SSH1: variants seen among roughly 807,000 people sequenced by gnomAD.
SSH1 encodes protein phosphatase Slingshot homolog 1.
A neutral mutation model predicts 79.7 loss-of-function variants in SSH1; 43 were observed. The ratio of observed to expected loss-of-function variants is 0.54; its 90% CI spans 0.42 to 0.70. The LOEUF (loss-of-function observed/expected upper bound fraction) is 0.70. SSH1 is among the 30% of genes least tolerant of loss of function. The probability of loss-of-function intolerance (pLI) is 0.00; values close to 1 mark genes in which losing one functional copy is unlikely to be tolerated. For synonymous variants in SSH1, 599 were observed against 538.3 expected, an observed-to-expected ratio of 1.11 and a Z score of -1.56; for missense variants, 1,206 against 1,358.8, an observed-to-expected ratio of 0.89 and a Z score of 1.77.
rs1465800906 is a variant in SSH1, at chr12:108,792,772, A to G, written c.1407T>C (p.Pro469=). 4 of 1,613,882 alleles carry G rather than the reference A, an allele frequency of 2.5e-6. No homozygotes were observed. Among genetic ancestry groups the G allele is most frequent in the Non-Finnish European group, 2.5e-6 (3 of 1,180,026 alleles). ...CGCCAGGTCCTGCAGGGTCATCCAC[A>G]GGCTGCTGGAGGCTGCTGTCTGTCT... is the stretch of plus-strand genomic sequence containing the variant. ...RQQTDSSLQQ[P]VDDPAGPGDF... Residue 469 remains proline, a synonymous_variant, in exon 14 of 15, where the codon CCT becomes CCC. Coordinates refer to ENST00000326495, the MANE Select transcript of SSH1 (RefSeq NM_018984.4).
chr12:108,834,975 A>C (rs1381259478), intron 2 of SSH1, among the ~76,000 whole-genome samples: 2 of 152,204 alleles, frequency 1.3e-5, no homozygotes, highest in Non-Finnish European at 2.9e-5. Flanking sequence ...TGAACCTGGC[A>C]AATAAGACTC....
In SSH1 at chr12:108,792,457, A is replaced by T; in HGVS notation, c.1722T>A (p.Phe574Leu). The stretch of plus-strand genomic sequence containing the variant: ...AGCCGCTCCGACCTTTGGGACTCCC[A>T]AACTCTAGTTTCTTCTTCACATCCT... ...CEKDVKKKLEFGSPKGRSGSL... is the reference protein window; with the variant it reads ...CEKDVKKKLELGSPKGRSGSL... Residue 574 changes from phenylalanine to leucine, a missense_variant, in exon 14 of 15, where the codon TTT (phenylalanine) becomes TTA (leucine). Physicochemically the swap from Phe to Leu is conservative, Grantham distance 22. Transcript: ENST00000326495. 6.2e-7 allele frequency: 1 copy of T among 1,614,170 alleles called. No homozygotes were observed. Among genetic ancestry groups the T allele is most frequent in the South Asian group, 1.1e-5 (1 of 91,076 alleles).
intron 14 of SSH1, among the ~76,000 whole-genome samples, chr12:108,791,727 C>T (rs1049527980): frequency 1.3e-5 from 2 of 152,142 alleles, no homozygotes; most frequent in Non-Finnish European, 2.9e-5. Context: ...CCACTGTACT[C>T]CAGCATGGGA....
chr12:108,837,002 G>A (rs1182158442), intron 2 of SSH1: 1 of 490,896 alleles, frequency 2.0e-6, no homozygotes, highest in African/African-American at 2.0e-5. Context: ...AGGCTGAGGT[G>A]GGCGGATCAC....
In SSH1 at chr12:108,788,293, C is replaced by T. The variant is rs570218503; in HGVS notation, c.2845G>A (p.Gly949Arg). 7.4e-6 allele frequency: 12 copies of T among 1,613,552 alleles called. No individual in the cohort carries two copies. The East Asian group carries it at 8.9e-5, about 12-fold the overall frequency. The change falls in exon 15 of 15, where the codon GGG becomes AGG. Residue 949 changes from glycine to arginine, a missense_variant. This residue lies in a region of SSH1 where 709 missense variants were observed against 730.6 expected (regional missense o/e 0.97). Coordinates refer to ENST00000326495, the MANE Select transcript of SSH1 (RefSeq NM_018984.4). ...DSIHSVRGKPGLVKQRTQEIE... is the reference protein window; with the variant it reads ...DSIHSVRGKPRLVKQRTQEIE... Reference sequence around the variant, plus strand: ...TCCTGTGTCCGCTGCTTCACCAGCCCGGGCTTCCCACGGACACTGTGGATG... The same window carrying T: ...TCCTGTGTCCGCTGCTTCACCAGCCTGGGCTTCCCACGGACACTGTGGATG...
chr12:108,844,926 C>T (rs1009556534), intron 2 of SSH1, among the ~76,000 whole-genome samples: 7 of 151,932 alleles, frequency 4.6e-5, no homozygotes, highest in Admixed American at 1.3e-4. Context: ...CTGACCAATA[C>T]GGTGAAACCC....
At chr12:108,816,561 C>T (rs1051633775) in intron 5 of SSH1, among the ~76,000 whole-genome samples, 4 of 152,178 alleles carry the variant, frequency 2.6e-5, no homozygotes, top group South Asian at 2.1e-4. Flanking sequence ...CTAGGACCTG[C>T]CATGAAGTAC....
chr12:108,822,614 G>C (rs577502332), intron 3 of SSH1, among the ~76,000 whole-genome samples: 2 of 152,262 alleles, frequency 1.3e-5, no homozygotes, highest in South Asian at 4.1e-4. Context: ...GCAGGGCCAC[G>C]CAAGCATTTC....
At chr12:108,799,772 G>GAA (rs2036909145) in intron 12 of SSH1, among the ~76,000 whole-genome samples, 1 of 152,246 alleles carries the variant, frequency 6.6e-6, no homozygotes, top group Non-Finnish European at 1.5e-5. Context: ...GGAAGATGGG[G>GAA]CTGGCCGTTT....
rs1357449531 is a variant in SSH1 at position 108,857,229 on chromosome 12, C to T, written c.69+199G>A. On this transcript the variant is annotated intron_variant, in intron 1 of 14. Transcript: ENST00000326495. The surrounding 1 kb of genome is among the most constrained non-coding windows in gnomAD (Gnocchi z 4.7). The stretch of plus-strand genomic sequence containing the variant: ...GGTCACACCGCACACAAAGTCCCCG[C>T]ACAGCTCCCCAAGACAGGGTCACAT... Among the ~76,000 whole-genome samples, 1 of 152,116 alleles carries T rather than the reference C, an allele frequency of 6.6e-6. No individual in the cohort carries two copies. The highest frequency in any genetic ancestry group is 2.4e-5 in the African/African-American group (1 of 41,454).
At chr12:108,811,186 G>A (rs1283702449) in intron 6 of SSH1, 74 bp downstream of exon 6, 6 of 1,349,138 alleles carry the variant, frequency 4.4e-6, no homozygotes. Flanking sequence ...GATCATCCAA[G>A]GATGCCTGAA....
intron 10 of SSH1, among the ~76,000 whole-genome samples, chr12:108,803,429 T>C (rs936204987): frequency 2.0e-4 from 30 of 151,682 alleles, no homozygotes; most frequent in Non-Finnish European, 1.5e-5. Flanking sequence ...CATAGTATCA[T>C]AAAGAGCAAA....
intron 13 of SSH1, 112 bp downstream of exon 13, chr12:108,798,887 CG>C: frequency 7.9e-7 from 1 of 1,261,696 alleles, no homozygotes; most frequent in East Asian, 2.3e-5. Context: ...GCTGTGGAAG[CG>C]GCTGCTGGGC....
chr12:108,788,290 G>A lies in SSH1; in HGVS notation c.2848C>T (p.Leu950=). The change falls in exon 15 of 15, where the codon CTG becomes TTG. Residue 950 remains leucine, a synonymous_variant. Coordinates refer to ENST00000326495, the MANE Select transcript of SSH1 (RefSeq NM_018984.4). Reference sequence around the variant, plus strand: ...ATCTCCTGTGTCCGCTGCTTCACCAGCCCGGGCTTCCCACGGACACTGTGG... The same window carrying A: ...ATCTCCTGTGTCCGCTGCTTCACCAACCCGGGCTTCCCACGGACACTGTGG... The part of the protein sequence containing the change: ...SIHSVRGKPG[L]VKQRTQEIET... The A allele has an allele frequency of 3.1e-6, 5 of 1,613,634 alleles. No individual in the cohort carries two copies. Among genetic ancestry groups the A allele is most frequent in the Non-Finnish European group, 4.2e-6 (5 of 1,179,978 alleles).
At chr12:108,811,101 C>T (rs558788715) in intron 6 of SSH1, among the ~76,000 whole-genome samples, 159 bp downstream of exon 6, 18 of 152,296 alleles carry the variant, frequency 1.2e-4, no homozygotes, top group African/African-American at 4.1e-4. Flanking sequence ...TACCCTCCCT[C>T]GTGCCCTCTC....
At chr12:108,838,431 C>A (rs1480167646) in intron 2 of SSH1, among the ~76,000 whole-genome samples, 1 of 152,212 alleles carries the variant, frequency 6.6e-6, no homozygotes, top group African/African-American at 2.4e-5. Flanking sequence ...GGCTCTGGAC[C>A]ACGTAAGATC....
In SSH1 at chr12:108,787,376, C is replaced by T. The variant is rs987978936; in HGVS notation, c.*612G>A. On this transcript the variant is annotated 3_prime_UTR_variant, in exon 15 of 15. Transcript: ENST00000326495. ...CAGCGTGGGACTACTCATCTGATGA[C>T]TTTACTCAGCAGTGCTTGGGGCTGT... 2 of 155,652 alleles carry T rather than the reference C, an allele frequency of 1.3e-5. No homozygotes were observed. Among genetic ancestry groups the T allele is most frequent in the African/African-American group, 4.8e-5 (2 of 41,468 alleles). 9.6% of individuals were successfully genotyped at this position (155,652 alleles called of 1,614,324 possible).
At chr12:108,839,034 CT>C (rs1185263133) in intron 2 of SSH1, among the ~76,000 whole-genome samples, 1 of 152,048 alleles carries the variant, frequency 6.6e-6, no homozygotes, top group Non-Finnish European at 1.5e-5. Flanking sequence ...GTTTCAAATC[CT>C]TTTTGGAGGG....
rs2036231797 is a variant in SSH1 at position 108,785,013 on chromosome 12, T to A, written c.*2975A>T. ...GTTGCATACAAAGCAAGGGCCAAGC[T>A]ATGGCATATGTTACAGTGCAAACTT... On this transcript the variant is annotated 3_prime_UTR_variant, in exon 15 of 15. Transcript: ENST00000326495. 1 of 152,274 alleles carries A rather than the reference T, an allele frequency of 6.6e-6. No homozygotes were observed. The highest frequency in any genetic ancestry group is 1.5e-5 in the Non-Finnish European group (1 of 68,052). The allele number at this position is 152,274 out of a possible 1,614,324, so 9.4% of individuals were successfully genotyped here.
Sources: gnomAD v4.1 joint callset for allele counts (sites outside exome capture counted in the v4.1 genomes callset) on GRCh38, gnomAD v4.1.1 for gene constraint, gnomAD v4.1.1 regional missense constraint, Gnocchi (gnomAD v3.1) non-coding constraint, MANE v1.5 for transcripts, NCBI Gene and HGNC (gene_info 2026-07-23, HGNC 2026-07-21) for gene names.